Variants in SLC35F1 observed in about 807,000 individuals in gnomAD.
SLC35F1 encodes chromosome 6 open reading frame 169.
Under a neutral mutation model 48.7 loss-of-function variants are expected in SLC35F1, and 14 were observed. The ratio of observed to expected loss-of-function variants is 0.29; its 90% CI spans 0.19 to 0.45. SLC35F1 has a LOEUF of 0.45. Among genes scored for constraint, SLC35F1 ranks in the 20% least tolerant of loss-of-function variants. The pLI is 1.00. For missense variants in SLC35F1, 404 were observed against 500.0 expected (o/e 0.81, Z 1.83); for synonymous variants, 190 against 202.2 (o/e 0.94, Z 0.51).
intron 3 of SLC35F1, among the ~76,000 whole-genome samples, chr6:118,265,893 A>T (rs78941662): frequency 0.025 from 3,771 of 152,282 alleles, 154 homozygotes; most frequent in African/African-American, 0.085. Context: ...ATGTGACATC[A>T]CTTTGTCTAA....
At position 118,018,789 on chromosome 6, in the gene SLC35F1, T is replaced by C. The variant is rs58061163; in HGVS notation, c.173+110890T>C. ...TGGGACCAGTTGCAGTGGTATGCAG[T>C]CCAGATTTATATTATTAGGCCACAC... On this transcript the variant is annotated intron_variant, in intron 1 of 7. Coordinates refer to ENST00000360388, the MANE Select transcript of SLC35F1 (RefSeq NM_001029858.4). Among the ~76,000 whole-genome samples the C allele has an allele frequency of 5.0e-3, 756 of 152,238 alleles. 8 individuals are homozygous for C. Among genetic ancestry groups the C allele is most frequent in the African/African-American group, 0.016 (673 of 41,544 alleles).
At chr6:118,028,761 C>T (rs1035160211) in intron 1 of SLC35F1, among the ~76,000 whole-genome samples, 10 of 151,836 alleles carry the variant, frequency 6.6e-5, no homozygotes, top group African/African-American at 2.4e-4. Flanking sequence ...ATAGTACGTC[C>T]CAGGGAAATA....
chr6:118,251,388 C>T (rs1775572934), intron 3 of SLC35F1, among the ~76,000 whole-genome samples: 2 of 151,944 alleles, frequency 1.3e-5, no homozygotes, highest in African/African-American at 4.8e-5. Context: ...TTTCAAGTGC[C>T]CAATACAATA....
chr6:118,187,314 C>G (rs146993098), intron 2 of SLC35F1, among the ~76,000 whole-genome samples: 1 of 152,066 alleles, frequency 6.6e-6, no homozygotes, highest in Non-Finnish European at 1.5e-5. Context: ...CCATCTTTGC[C>G]GAGACTGACA....
chr6:118,057,877 A>C (rs2114267154), intron 1 of SLC35F1, among the ~76,000 whole-genome samples: 1 of 152,276 alleles, frequency 6.6e-6, no homozygotes, highest in Middle Eastern at 3.4e-3. Flanking sequence ...AGGCTTGTGG[A>C]AGACAACCTC....
In SLC35F1 at chr6:117,907,373, G is replaced by C. The variant is rs1183450896; in HGVS notation, c.-354G>C. 7.9e-5 allele frequency among the ~76,000 whole-genome samples: 12 copies of C among 150,990 alleles called. No individual in the cohort carries two copies. In the South Asian group the frequency reaches 1.9e-3, roughly 23 times the overall value. ...GCACGAGGAAACAAGGAGAAATCAGGACTCCTTCCCCGGAACCGACCGGCA... is the reference window on the plus strand; with the variant it reads ...GCACGAGGAAACAAGGAGAAATCAGCACTCCTTCCCCGGAACCGACCGGCA... On this transcript the variant is annotated 5_prime_UTR_variant, in exon 1 of 8. Transcript: ENST00000360388.
chr6:118,100,020 A>G (rs1247130201), intron 1 of SLC35F1, among the ~76,000 whole-genome samples: 2 of 152,196 alleles, frequency 1.3e-5, no homozygotes, highest in East Asian at 1.9e-4. Context: ...AGCATTTTGC[A>G]TATATAATGC....
chr6:118,047,176 C>T (rs9320634), intron 1 of SLC35F1, among the ~76,000 whole-genome samples: 26,393 of 152,070 alleles, frequency 0.17, 2,654 homozygotes, highest in East Asian at 0.3. Context: ...CTGTTTCCTA[C>T]GCCATCAATT....
intron 2 of SLC35F1, among the ~76,000 whole-genome samples, chr6:118,212,725 GGAAAGGAAGGAAGGAA>G (rs1562327014): frequency 3.8e-5 from 4 of 104,000 alleles, no homozygotes; most frequent in Non-Finnish European, 7.9e-5. Flanking sequence ...AAGGAAGGAA[GGAAAGGAAGGAAGGAA>G]GGAAGGAAGG....
intron 1 of SLC35F1, among the ~76,000 whole-genome samples, chr6:118,030,682 C>G (rs1227431620): frequency 6.6e-6 from 1 of 152,018 alleles, no homozygotes; most frequent in African/African-American, 2.4e-5. Context: ...GGGTTTCACA[C>G]CAAATAATCA....
intron 2 of SLC35F1, among the ~76,000 whole-genome samples, chr6:118,173,107 T>C (rs1277234589): frequency 3.3e-5 from 5 of 152,128 alleles, no homozygotes; most frequent in Admixed American, 6.6e-5. Flanking sequence ...ATCTTACAGA[T>C]GAGACTCAGA....
chr6:118,068,231 G>A (rs987947988), intron 1 of SLC35F1, among the ~76,000 whole-genome samples: 2 of 152,126 alleles, frequency 1.3e-5, no homozygotes, highest in African/African-American at 2.4e-5. Flanking sequence ...CCAGAAACAC[G>A]TTCACAGACA....
chr6:118,154,117 C>G (rs746427719), intron 1 of SLC35F1, among the ~76,000 whole-genome samples: 71 of 152,128 alleles, frequency 4.7e-4, no homozygotes, highest in Non-Finnish European at 1.5e-4. Flanking sequence ...TTTCCCCACC[C>G]CCTTCCCACT....
chr6:118,008,736 T>C (rs1341062823), intron 1 of SLC35F1, among the ~76,000 whole-genome samples: 2 of 152,202 alleles, frequency 1.3e-5, no homozygotes, highest in East Asian at 1.9e-4. Context: ...CCTAAGCAGA[T>C]GGTCAGTGAC....
intron 3 of SLC35F1, among the ~76,000 whole-genome samples, chr6:118,261,915 C>T (rs1223791096): frequency 6.6e-6 from 1 of 152,134 alleles, no homozygotes; most frequent in Non-Finnish European, 1.5e-5. Flanking sequence ...CCCCCTAATC[C>T]CCATCCCATG....
chr6:118,165,860 G>T (rs575903794), intron 2 of SLC35F1, among the ~76,000 whole-genome samples: 1 of 152,306 alleles, frequency 6.6e-6, no homozygotes, highest in South Asian at 2.1e-4. Context: ...GAAATATTCA[G>T]ATGCATTACC....
At chr6:118,262,306 C>CGTGT (rs1775723043) in intron 3 of SLC35F1, among the ~76,000 whole-genome samples, 1 of 151,680 alleles carries the variant, frequency 6.6e-6, no homozygotes, top group African/African-American at 2.4e-5. Context: ...GGATGGGATG[C>CGTGT]GTGTGTGCAG....
At chr6:118,080,458 A>G (rs73766431) in intron 1 of SLC35F1, among the ~76,000 whole-genome samples, 2,641 of 152,328 alleles carry the variant, frequency 0.017, 81 homozygotes, top group African/African-American at 0.06. Context: ...TTGTCATGTC[A>G]GAACACATCA....
intron 1 of SLC35F1, chr6:117,999,078 T>C: frequency 1.3e-6 from 2 of 1,535,898 alleles, no homozygotes; most frequent in Non-Finnish European, 1.8e-6. Flanking sequence ...CTTAAGGGGG[T>C]GGACCCCAAG....
Sources: gnomAD v4.1 joint callset for allele counts (sites outside exome capture counted in the v4.1 genomes callset) on GRCh38, gnomAD v4.1.1 for gene constraint, MANE v1.5 for transcripts, NCBI Gene and HGNC (gene_info 2026-07-23, HGNC 2026-07-21) for gene names.